Variants in RHOBTB3 observed in about 807,000 individuals in gnomAD.
RHOBTB3 encodes rho-related BTB domain-containing protein 3.
A neutral mutation model predicts 67.2 loss-of-function variants in RHOBTB3; 47 were observed. The ratio of observed to expected loss-of-function variants is 0.70; its 90% CI spans 0.55 to 0.89. The LOEUF is 0.89. Ranked by LOEUF, RHOBTB3 falls within the 40% of genes least tolerant of loss-of-function variation. The pLI is 0.00. For synonymous variants in RHOBTB3, 273 were observed against 274.2 expected (o/e 1.00, Z 0.04); for missense variants, 631 against 750.0 (o/e 0.84, Z 1.85).
intron 9 of RHOBTB3, among the ~76,000 whole-genome samples, chr5:95,780,883 C>T (rs1370390431): frequency 6.6e-6 from 1 of 152,134 alleles, no homozygotes; most frequent in Admixed American, 6.5e-5. Context: ...TTTTGGTCTT[C>T]CTTCTGCCCA....
At chr5:95,752,133 G>A (rs1476026046) in intron 4 of RHOBTB3, 106 bp from the exon 5 acceptor site, 6 of 668,760 alleles carry the variant, frequency 9.0e-6, no homozygotes. Context: ...ACGTATAAAT[G>A]GTACTGACGT....
At chr5:95,792,949 A>G (rs1364413165) in intron 11 of RHOBTB3, 110 bp from the exon 12 acceptor site, 1 of 675,432 alleles carries the variant, frequency 1.5e-6, no homozygotes, top group African/African-American at 1.8e-5. Flanking sequence ...ATGGTAGGAG[A>G]TGTATCACAG....
intron 8 of RHOBTB3, among the ~76,000 whole-genome samples, chr5:95,771,560 A>G (rs1370520878): frequency 1.3e-5 from 2 of 152,242 alleles, no homozygotes. Flanking sequence ...CAGACTTTAT[A>G]TCATGCTTTC....
chr5:95,770,290 A>G (rs1311820019), intron 8 of RHOBTB3: 1 of 290,206 alleles, frequency 3.4e-6, no homozygotes, highest in Non-Finnish European at 7.1e-6. Context: ...TAATGCTATA[A>G]GAGCTGCTAC....
At chr5:95,777,955 A>G (rs1409003345) in intron 8 of RHOBTB3, among the ~76,000 whole-genome samples, 3 of 152,102 alleles carry the variant, frequency 2.0e-5, no homozygotes, top group African/African-American at 7.2e-5. Context: ...TGTCCCTAGT[A>G]AAAATACCAA....
At chr5:95,737,595 T>C (rs1179023237) in intron 3 of RHOBTB3, among the ~76,000 whole-genome samples, 1 of 152,246 alleles carries the variant, frequency 6.6e-6, no homozygotes, top group Non-Finnish European at 1.5e-5. Flanking sequence ...TGCATATTAT[T>C]GTCAGATATC....
intron 1 of RHOBTB3, among the ~76,000 whole-genome samples, chr5:95,725,256 T>C (rs1326184043): frequency 6.6e-6 from 1 of 152,222 alleles, no homozygotes; most frequent in Non-Finnish European, 1.5e-5. Context: ...ATCAACACCA[T>C]TGAATCTTAC....
chr5:95,761,457 C>G lies in RHOBTB3; in HGVS notation c.1049-2051C>G, dbSNP rs577032116. 2.5e-3 allele frequency among the ~76,000 whole-genome samples: 373 copies of G among 151,948 alleles called. 3 individuals are homozygous for G. The highest frequency in any genetic ancestry group is 8.6e-3 in the African/African-American group (358 of 41,396). ...TCCTGGGTTCAAGCGATTCTCCTGC[C>G]TCAGCCTCCCAGGTAGCTGGGATTA... On this transcript the variant is annotated intron_variant, in intron 6 of 11. Transcript: ENST00000379982.
intron 7 of RHOBTB3, chr5:95,767,788 T>C (rs1190051755): frequency 1.4e-6 from 1 of 702,058 alleles, no homozygotes; most frequent in Non-Finnish European, 2.6e-6. Flanking sequence ...TTGCAGCTTC[T>C]CAGCAATGGA....
chr5:95,775,406 G>GTATATGTA (rs151041554), intron 8 of RHOBTB3, among the ~76,000 whole-genome samples: 1 of 144,198 alleles, frequency 6.9e-6, no homozygotes. Flanking sequence ...ATATATATGT[G>GTATATGTA]TATATATATA....
chr5:95,763,468 A>G lies in RHOBTB3; in HGVS notation c.1049-40A>G, dbSNP rs765369254. On this transcript the variant is annotated intron_variant, in intron 6 of 11. Coordinates refer to ENST00000379982, the MANE Select transcript of RHOBTB3 (RefSeq NM_014899.4). ...AGAGATTTACTTTTGTTACTTCCTC[A>G]TTTAACAGAAAAATCCAGCATGTAC... 3.4e-6 allele frequency: 4 copies of G among 1,189,556 alleles called. No homozygotes were observed. In the African/African-American group the frequency reaches 6.1e-5, roughly 18 times the overall value. The allele number at this position is 1,189,556 out of a possible 1,614,324, so 73.7% of individuals were successfully genotyped here.
chr5:95,780,239 T>C lies in RHOBTB3; in HGVS notation c.1283-13T>C, dbSNP rs1416491704. 1 of 1,611,426 alleles carries C rather than the reference T, an allele frequency of 6.2e-7. No homozygotes were observed. The highest frequency in any genetic ancestry group is 2.2e-5 in the East Asian group (1 of 44,848). Reference sequence around the variant, plus strand: ...ATCTCACTTGTTTCTTGTTTCCCTTTTGAACCTTTCAGGTACGACAGTGCC... The same window carrying C: ...ATCTCACTTGTTTCTTGTTTCCCTTCTGAACCTTTCAGGTACGACAGTGCC... On this transcript the variant is annotated splice_polypyrimidine_tract_variant and intron_variant, in intron 8 of 11. Coordinates refer to ENST00000379982, the MANE Select transcript of RHOBTB3 (RefSeq NM_014899.4).
chr5:95,729,675 C>G (rs190071099), upstream of RHOBTB3, among the ~76,000 whole-genome samples: 3 of 152,270 alleles, frequency 2.0e-5, no homozygotes, highest in East Asian at 5.8e-4. Flanking sequence ...ACAACGCCCC[C>G]TTTTCCCCTC....
chr5:95,787,215 T>C (rs1260060387), intron 10 of RHOBTB3, among the ~76,000 whole-genome samples: 1 of 151,498 alleles, frequency 6.6e-6, no homozygotes, highest in African/African-American at 2.4e-5. Flanking sequence ...TTATCTGCTC[T>C]GGGTTAATCA....
At chr5:95,789,309 G>GT (rs1746308827) in intron 11 of RHOBTB3, 1 of 154,574 alleles carries the variant, frequency 6.5e-6, no homozygotes, top group Admixed American at 6.5e-5. Context: ...TATTTACTGA[G>GT]TATACCTATA....
chr5:95,764,096 C>T (rs1745473886), intron 7 of RHOBTB3, among the ~76,000 whole-genome samples: 1 of 152,176 alleles, frequency 6.6e-6, no homozygotes, highest in Non-Finnish European at 1.5e-5. Context: ...AGGCATGAGC[C>T]ACCACACTCG....
intron 8 of RHOBTB3, chr5:95,768,892 G>C (rs1349871162): frequency 6.3e-6 from 1 of 159,332 alleles, no homozygotes; most frequent in East Asian, 1.9e-4. Flanking sequence ...AGGTGGGGGA[G>C]AGGCGGAGGG....
intron 3 of RHOBTB3, among the ~76,000 whole-genome samples, chr5:95,739,733 C>T (rs1229057309): frequency 6.6e-6 from 1 of 151,988 alleles, no homozygotes. Flanking sequence ...TTTATAGAAA[C>T]GAAATTCTGC....
chr5:95,770,337 G>C (rs972517589), intron 8 of RHOBTB3: 2 of 272,682 alleles, frequency 7.3e-6, no homozygotes, highest in Non-Finnish European at 1.5e-5. Context: ...GTTGTGCCTT[G>C]CTTCAGTTCA....
Sources: gnomAD v4.1 joint callset for allele counts (sites outside exome capture counted in the v4.1 genomes callset) on GRCh38, gnomAD v4.1.1 for gene constraint, MANE v1.5 for transcripts, NCBI Gene and HGNC (gene_info 2026-07-23, HGNC 2026-07-21) for gene names.